KANK1: variants seen among roughly 807,000 people sequenced by gnomAD.
KANK1 encodes KN motif and ankyrin repeat domain-containing protein 1.
In KANK1, 109 loss-of-function variants were observed where a neutral mutation model predicts 106.2. That is an observed-to-expected ratio of 1.03 (90% CI 0.88 to 1.20). The LOEUF (loss-of-function observed/expected upper bound fraction) is 1.20, where lower values mean the gene tolerates loss of function less well. Ranked by LOEUF, KANK1 falls within the 50% of genes most tolerant of loss-of-function variation. The pLI is 0.00. For synonymous variants in KANK1, 873 were observed against 652.2 expected, an observed-to-expected ratio of 1.34 and a Z score of -5.16; for missense variants, 2,399 against 1,710.7, an observed-to-expected ratio of 1.40 and a Z score of -7.10.
In KANK1 at chr9:745,170, T is replaced by C; in HGVS notation, c.3997-3T>C. 5.6e-6 allele frequency: 9 copies of C among 1,612,640 alleles called. No homozygotes were observed. The highest frequency in any genetic ancestry group is 7.6e-6 in the Non-Finnish European group (9 of 1,178,854). ...CCAGTTTTTTTCCTTTCCTGGTCTC[T>C]AGGGCACCCCTAGGCTTGGAAGGAA... On this transcript the variant is annotated splice_region_variant and splice_polypyrimidine_tract_variant and intron_variant, in intron 11 of 11. Transcript: ENST00000382297.
At chr9:547,214 C>G (rs112972494) in intron 1 of KANK1, 1 of 152,154 alleles carries the variant, frequency 6.6e-6, no homozygotes, top group Non-Finnish European at 1.5e-5. Flanking sequence ...AGGTTGCTGG[C>G]TAAGTTTTGT....
chr9:589,830 G>T (rs184453301), intron 1 of KANK1, among the ~76,000 whole-genome samples: 13 of 152,302 alleles, frequency 8.5e-5, no homozygotes, highest in African/African-American at 2.2e-4. Flanking sequence ...ATCTGTGTGG[G>T]AAATGGGCCA....
intron 1 of KANK1, among the ~76,000 whole-genome samples, chr9:577,161 T>C (rs1820784369): frequency 6.6e-6 from 1 of 152,228 alleles, no homozygotes; most frequent in Non-Finnish European, 1.5e-5. Flanking sequence ...TTCCACAGCA[T>C]GGAAGGGAAC....
intron 1 of KANK1, among the ~76,000 whole-genome samples, chr9:520,719 T>C (rs1172034084): frequency 6.6e-6 from 1 of 151,876 alleles, no homozygotes; most frequent in Non-Finnish European, 1.5e-5. Flanking sequence ...TGCCTAGATA[T>C]GGAAAACAGG....
chr9:672,642 C>A (rs1488768867), intron 1 of KANK1, among the ~76,000 whole-genome samples: 1 of 152,136 alleles, frequency 6.6e-6, no homozygotes, highest in African/African-American at 2.4e-5. Flanking sequence ...TCAATTTTAT[C>A]TAACTACTTG....
chr9:574,872 A>G (rs1402847942), intron 1 of KANK1, among the ~76,000 whole-genome samples: 3 of 150,134 alleles, frequency 2.0e-5, no homozygotes, highest in African/African-American at 7.4e-5. Context: ...AAAAAAAAAG[A>G]AAAAAAATAT....
At chr9:693,739 C>G (rs1387492002) in intron 2 of KANK1, 6 of 985,182 alleles carry the variant, frequency 6.1e-6, no homozygotes, top group Non-Finnish European at 7.2e-6. Flanking sequence ...TTGCCTGAGA[C>G]CTGGCTTCCT....
intron 2 of KANK1, among the ~76,000 whole-genome samples, chr9:702,728 C>T (rs1822998610): frequency 6.6e-6 from 1 of 152,092 alleles, no homozygotes; most frequent in African/African-American, 2.4e-5. Context: ...TGCCTTTTAG[C>T]CCCTAGTTTC....
At chr9:580,030 G>T (rs1821631330) in intron 1 of KANK1, among the ~76,000 whole-genome samples, 1 of 152,160 alleles carries the variant, frequency 6.6e-6, no homozygotes, top group Non-Finnish European at 1.5e-5. Context: ...GACCCTTGCG[G>T]TGAGTGTTAC....
intron 1 of KANK1, among the ~76,000 whole-genome samples, chr9:568,193 A>G (rs754369076): frequency 3.3e-5 from 5 of 152,228 alleles, no homozygotes; most frequent in African/African-American, 4.8e-5. Flanking sequence ...CATGTTAAAA[A>G]TCAACTTCTC....
intron 1 of KANK1, among the ~76,000 whole-genome samples, chr9:671,080 G>C (rs778419917): frequency 9.9e-5 from 15 of 151,548 alleles, no homozygotes; most frequent in Non-Finnish European, 1.9e-4. Context: ...TTATTCTGTG[G>C]GGAGAAGTGA....
chr9:712,111 A>T lies in KANK1; in HGVS notation c.1345A>T (p.Thr449Ser). 1 of 1,614,174 alleles carries T rather than the reference A, an allele frequency of 6.2e-7. No individual in the cohort carries two copies. The highest frequency in any genetic ancestry group is 1.7e-5 in the Admixed American group (1 of 60,018). Residue 449 changes from threonine to serine, a missense_variant, in exon 3 of 12, where the codon ACT becomes TCT. Coordinates refer to ENST00000382297, the MANE Select transcript of KANK1 (RefSeq NM_015158.5). Reference sequence around the variant, plus strand: ...GACAGAGGCCATGCTTGGAGTGATGACTGAAGCTGACAAAGAAATTGAGCT... The same window carrying T: ...GACAGAGGCCATGCTTGGAGTGATGTCTGAAGCTGACAAAGAAATTGAGCT... Reference protein sequence around the residue: ...SVTEAMLGVMTEADKEIELQQ... With the variant: ...SVTEAMLGVMSEADKEIELQQ...
chr9:602,802 C>T (rs924256588), intron 1 of KANK1, among the ~76,000 whole-genome samples: 4 of 151,812 alleles, frequency 2.6e-5, no homozygotes, highest in South Asian at 2.1e-4. Context: ...CTTTTGACTG[C>T]GCTTTTAGTT....
At chr9:567,500 CTTGGAGG>C (rs1405182206) in intron 1 of KANK1, among the ~76,000 whole-genome samples, 1 of 152,234 alleles carries the variant, frequency 6.6e-6, no homozygotes, top group Non-Finnish European at 1.5e-5. Context: ...CGAAGGACAA[CTTGGAGG>C]TTAGAAGCAA....
At chr9:544,350 C>G (rs2060798966) in intron 1 of KANK1, among the ~76,000 whole-genome samples, 1 of 152,078 alleles carries the variant, frequency 6.6e-6, no homozygotes, top group African/African-American at 2.4e-5. Flanking sequence ...CATTTCCCCA[C>G]TTTAATATAT....
chr9:728,055 A>G (rs868313157), intron 3 of KANK1, among the ~76,000 whole-genome samples: 1 of 152,292 alleles, frequency 6.6e-6, no homozygotes, highest in Middle Eastern at 3.4e-3. Context: ...AGGAGTGACA[A>G]ACAGACTCTT....
rs115341676 is a variant in KANK1, at chr9:485,196, C to G, written c.-362+11923C>G. Among the ~76,000 whole-genome samples, 757 of 152,210 alleles carry G rather than the reference C, an allele frequency of 5.0e-3. 5 individuals carry two copies. The highest frequency in any genetic ancestry group is 0.017 in the African/African-American group (725 of 41,544). On this transcript the variant is annotated intron_variant, in intron 3 of 15. Transcript: ENST00000382303. ...AGTGGGTGTGGTATTCAGGCCTGGC[C>G]AATCAGAGCATCACATTCCTCTGAT...
At chr9:566,925 C>G (rs1212453410) in intron 1 of KANK1, among the ~76,000 whole-genome samples, 1 of 152,102 alleles carries the variant, frequency 6.6e-6, no homozygotes, top group African/African-American at 2.4e-5. Flanking sequence ...AAATCTTTGC[C>G]CATTCCTATG....
chr9:592,878 C>T (rs961482350), intron 1 of KANK1, among the ~76,000 whole-genome samples: 4 of 151,676 alleles, frequency 2.6e-5, no homozygotes, highest in Non-Finnish European at 4.4e-5. Flanking sequence ...TTGGGTAGTC[C>T]TTTGTGCAAA....
Sources: allele counts gnomAD v4.1 joint callset (sites outside exome capture counted in the v4.1 genomes callset), GRCh38; gene constraint gnomAD v4.1.1; transcripts MANE v1.5; gene names NCBI Gene and HGNC (gene_info 2026-07-23, HGNC 2026-07-21).